Variants in UBE2D3 observed in about 807,000 individuals in gnomAD.
UBE2D3 encodes the protein ubiquitin conjugating enzyme E2 D3.
In UBE2D3, 2 loss-of-function variants were observed where a neutral mutation model predicts 22.8. The observed-to-expected ratio is 0.09, with a 90% CI of 0.04 to 0.28. UBE2D3 has a LOEUF of 0.28. UBE2D3 is among the 10% of genes least tolerant of loss of function. UBE2D3 has a pLI of 1.00. For synonymous variants in UBE2D3, 56 were observed against 60.4 expected, an observed-to-expected ratio of 0.93 and a Z score of 0.34; for missense variants, 27 against 182.5, an observed-to-expected ratio of 0.15 and a Z score of 4.91.
intron 1 of UBE2D3, among the ~76,000 whole-genome samples, chr4:102,843,050 C>T (rs1731848279): frequency 6.6e-6 from 1 of 152,140 alleles, no homozygotes; most frequent in Non-Finnish European, 1.5e-5. Context: ...GCAGAGGTTG[C>T]AATGAGCCGA....
At chr4:102,868,818 A>AGAGGAGGGCCACCTTCACACGAGATTCC in exon 1 of UBE2D3, 1 of 1,603,526 alleles carries the variant, frequency 6.2e-7, no homozygotes, top group Non-Finnish European at 8.5e-7. Flanking sequence ...TAAAGGCCCA[A>AGAGGAGGGCCACCTTCACACGAGATTCC]GAGGAGGGCC....
At chr4:102,846,631 G>A (rs1334799904) in intron 1 of UBE2D3, among the ~76,000 whole-genome samples, 1 of 151,904 alleles carries the variant, frequency 6.6e-6, no homozygotes, top group Admixed American at 6.6e-5. Flanking sequence ...AGGTAGTAGG[G>A]TAAATTCTTT....
chr4:102,812,293 C>G (rs1161984271), intron 2 of UBE2D3: 1 of 152,248 alleles, frequency 6.6e-6, no homozygotes. Flanking sequence ...TGTTTAATGC[C>G]TATTTTATAC....
Position 102,798,279 on chromosome 4 carries a change from A to AAT in UBE2D3, c.399-821_399-820dup, listed in dbSNP as rs10526258. Among the ~76,000 whole-genome samples, 706 of 111,836 alleles carry AAT rather than the reference A, an allele frequency of 6.3e-3. 53 individuals carry two copies. Among genetic ancestry groups the AAT allele is most frequent in the African/African-American group, 0.016 (396 of 24,956 alleles). 73.4% of individuals were successfully genotyped at this position (111,836 alleles called of 152,430 possible). On this transcript the variant is annotated intron_variant, in intron 7 of 7. Coordinates refer to ENST00000453744, the MANE Select transcript of UBE2D3 (RefSeq NM_181891.3). ...AAAACAGTGATAACCTTAAGAAATG[A>AAT]ATATATATATATATATATGCACAGG... is the stretch of plus-strand genomic sequence containing the variant.
At chr4:102,868,464 GGTTTTTGGAGCTAGGGCTGCA>G (rs1268198254) in intron 1 of UBE2D3, among the ~76,000 whole-genome samples, 2 of 152,186 alleles carry the variant, frequency 1.3e-5, no homozygotes. Flanking sequence ...AAAAACCAGA[GGTTTTTGGAGCTAGGGCTGCA>G]GTTAAGTTGC....
chr4:102,827,380 T>G, intron 1 of UBE2D3, 47 bp downstream of exon 1: 2 of 985,730 alleles, frequency 2.0e-6, no homozygotes, highest in Non-Finnish European at 2.4e-6. Context: ...GGCCGGCCAC[T>G]GGGCCGGCCT....
intron 2 of UBE2D3, among the ~76,000 whole-genome samples, chr4:102,822,583 G>A (rs758562413): frequency 1.3e-5 from 2 of 152,160 alleles, no homozygotes; most frequent in South Asian, 2.1e-4. Flanking sequence ...ATGTATAAGT[G>A]GGAGAGCAAA....
At chr4:102,848,814 G>A (rs1732180259) in intron 1 of UBE2D3, among the ~76,000 whole-genome samples, 1 of 151,472 alleles carries the variant, frequency 6.6e-6, no homozygotes, top group Non-Finnish European at 1.5e-5. Context: ...GTGAGACCTT[G>A]TCTCAAAAAA....
Position 102,852,569 on chromosome 4 carries a change from A to G in UBE2D3, c.-129+16146T>C, listed in dbSNP as rs988146739. 1.8e-4 allele frequency among the ~76,000 whole-genome samples: 27 copies of G among 152,362 alleles called. No individual in the cohort carries two copies. The South Asian group carries it at 3.5e-3, about 20-fold the overall frequency. On this transcript the variant is annotated intron_variant, in intron 1 of 7. Transcript: ENST00000338145. ...TCTCATTTAGCAATATCTGGAAATGACAACTCATACAACTTGAATTCATTC... is the reference window on the plus strand; with the variant it reads ...TCTCATTTAGCAATATCTGGAAATGGCAACTCATACAACTTGAATTCATTC...
chr4:102,833,936 C>A (rs946242766), intron 1 of UBE2D3, among the ~76,000 whole-genome samples: 5 of 152,202 alleles, frequency 3.3e-5, no homozygotes, highest in African/African-American at 1.2e-4. Context: ...TCCCGTGGCT[C>A]AGGGCAAGTA....
rs111637140 is a variant in UBE2D3, at chr4:102,834,125, T to G, written c.-128-7489A>C. ...TTTTTTAGTGCCAGATCCATTAATT[T>G]ACATTCCTCTCCACTGCCATTATCA... On this transcript the variant is annotated intron_variant, in intron 1 of 7. Coordinates refer to the UBE2D3 transcript ENST00000338145. 2.1e-3 allele frequency among the ~76,000 whole-genome samples: 316 copies of G among 152,346 alleles called. 1 individual carries two copies. The highest frequency in any genetic ancestry group is 7.4e-3 in the African/African-American group (307 of 41,586).
chr4:102,863,883 AT>A (rs1452605033), intron 1 of UBE2D3, among the ~76,000 whole-genome samples: 2 of 152,222 alleles, frequency 1.3e-5, no homozygotes, highest in African/African-American at 4.8e-5. Flanking sequence ...TTCCTTAAGC[AT>A]TTTATATTAG....
At chr4:102,842,838 G>C (rs1343639292) in intron 1 of UBE2D3, among the ~76,000 whole-genome samples, 3 of 142,886 alleles carry the variant, frequency 2.1e-5, no homozygotes, top group Non-Finnish European at 4.6e-5. Context: ...GGCCAGGCGT[G>C]GTGGCTCACG....
chr4:102,858,038 C>T (rs1454996487), intron 1 of UBE2D3, among the ~76,000 whole-genome samples: 1 of 151,920 alleles, frequency 6.6e-6, no homozygotes, highest in Non-Finnish European at 1.5e-5. Flanking sequence ...TATTGGATGC[C>T]TTTAATCTCT....
chr4:102,853,122 C>T (rs1220930079), intron 1 of UBE2D3, among the ~76,000 whole-genome samples: 1 of 142,632 alleles, frequency 7.0e-6, no homozygotes, highest in African/African-American at 2.6e-5. Context: ...CAAAATTACA[C>T]ACAAACACAC....
At chr4:102,820,515 G>C (rs1729437457) in intron 2 of UBE2D3, among the ~76,000 whole-genome samples, 2 of 152,246 alleles carry the variant, frequency 1.3e-5, no homozygotes, top group African/African-American at 4.8e-5. Context: ...GTAATTATAG[G>C]TGAAACAAGC....
chr4:102,826,382 G>T, intron 2 of UBE2D3, 103 bp downstream of exon 2: 1 of 1,398,688 alleles, frequency 7.1e-7, no homozygotes. Context: ...AGTGATCCAA[G>T]AGGTATTTTC....
At chr4:102,813,767 G>A (rs1182162886) in intron 2 of UBE2D3, among the ~76,000 whole-genome samples, 1 of 152,164 alleles carries the variant, frequency 6.6e-6, no homozygotes, top group Non-Finnish European at 1.5e-5. Flanking sequence ...AATAAAGAAT[G>A]TGAAGAAAGG....
chr4:102,804,484 G>T (rs1726713063), intron 4 of UBE2D3, among the ~76,000 whole-genome samples: 1 of 151,882 alleles, frequency 6.6e-6, no homozygotes, highest in Non-Finnish European at 1.5e-5. Context: ...ACAAAATATG[G>T]AACTAGAAAA....
Sources: gnomAD v4.1 joint callset for allele counts (sites outside exome capture counted in the v4.1 genomes callset) on GRCh38, gnomAD v4.1.1 for gene constraint, MANE v1.5 for transcripts, NCBI Gene and HGNC (gene_info 2026-07-23, HGNC 2026-07-21) for gene names.